The following PTPRN2 variants were observed in gnomAD, a reference collection of about 807,000 sequenced individuals.
PTPRN2 encodes receptor-type tyrosine-protein phosphatase N2.
In PTPRN2, 74 loss-of-function variants were observed where a neutral mutation model predicts 118.8. That is an observed-to-expected ratio of 0.62 (90% CI 0.52 to 0.76). The LOEUF is 0.76. Ranked by LOEUF, PTPRN2 falls within the 30% of genes least tolerant of loss-of-function variation. The pLI, the probability that PTPRN2 is intolerant of heterozygous loss-of-function variation, is 0.00. For missense variants in PTPRN2, 1,481 were observed against 1,394.4 expected, an observed-to-expected ratio of 1.06 and a Z score of -0.99; for synonymous variants, 641 against 608.0, an observed-to-expected ratio of 1.05 and a Z score of -0.80.
intron 9 of PTPRN2, among the ~76,000 whole-genome samples, chr7:158,131,880 C>T (rs1418696018): frequency 1.4e-5 from 2 of 147,074 alleles, no homozygotes; most frequent in African/African-American, 5.2e-5. Context: ...TACACATCTA[C>T]CTGACATACA....
intron 11 of PTPRN2, among the ~76,000 whole-genome samples, chr7:158,021,826 C>T (rs938540564): frequency 2.0e-5 from 3 of 152,240 alleles, no homozygotes; most frequent in Non-Finnish European, 2.9e-5. Context: ...ACCACTACAT[C>T]GGCCAACCCT....
intron 9 of PTPRN2, among the ~76,000 whole-genome samples, chr7:158,114,906 G>T (rs1665544888): frequency 6.6e-6 from 1 of 152,172 alleles, no homozygotes; most frequent in Admixed American, 6.5e-5. Flanking sequence ...TTGAGAGAAG[G>T]GGCAGGGGAG....
At chr7:157,914,292 G>A (rs1474054164) in intron 11 of PTPRN2, among the ~76,000 whole-genome samples, 1 of 152,130 alleles carries the variant, frequency 6.6e-6, no homozygotes, top group African/African-American at 2.4e-5. Context: ...GTCAGGAATC[G>A]AGGTGTAGAG....
intron 11 of PTPRN2, among the ~76,000 whole-genome samples, chr7:158,071,689 AGGTGCTTG>A (rs1811781909): frequency 1.1e-4 from 7 of 66,440 alleles, no homozygotes; most frequent in Admixed American, 3.2e-4. Flanking sequence ...CTCCTGGTGG[AGGTGCTTG>A]TGGTGGAGGT....
chr7:158,276,519 C>T (rs1474482967), intron 3 of PTPRN2, among the ~76,000 whole-genome samples: 2 of 151,784 alleles, frequency 1.3e-5, no homozygotes, highest in African/African-American at 2.4e-5. Context: ...ACCCCCACAC[C>T]CCGGCCCCGA....
At chr7:157,815,865 G>A (rs543180049) in intron 12 of PTPRN2, among the ~76,000 whole-genome samples, 2 of 152,360 alleles carry the variant, frequency 1.3e-5, no homozygotes, top group Admixed American at 1.3e-4. Flanking sequence ...CTCAGGCGGT[G>A]ACACGTTGCA....
chr7:157,938,566 A>T (rs573615400), intron 11 of PTPRN2, among the ~76,000 whole-genome samples: 44 of 152,300 alleles, frequency 2.9e-4, no homozygotes, highest in South Asian at 4.1e-4. Context: ...ACACAACAAC[A>T]CCCAAAGGCA....
chr7:158,523,373 T>TGGAGTCGTCTGCCCTGGAGC (rs1563392091), intron 1 of PTPRN2, among the ~76,000 whole-genome samples: 17 of 100,048 alleles, frequency 1.7e-4, no homozygotes, highest in East Asian at 3.7e-4. Context: ...TGCCCTGGAG[T>TGGAGTCGTCTGCCCTGGAGC]GGAGTCGTCT....
intron 3 of PTPRN2, among the ~76,000 whole-genome samples, chr7:158,281,391 T>G (rs568669990): frequency 1.6e-4 from 24 of 152,204 alleles, no homozygotes; most frequent in Middle Eastern, 6.8e-3. Flanking sequence ...CAAAGGCAAA[T>G]AGGAATACCA....
At chr7:158,418,787 T>C (rs181059067) in intron 2 of PTPRN2, among the ~76,000 whole-genome samples, 2 of 149,812 alleles carry the variant, frequency 1.3e-5, no homozygotes, top group African/African-American at 2.5e-5. Context: ...TGTTAAGTCA[T>C]GGTGTACTAC....
intron 3 of PTPRN2, among the ~76,000 whole-genome samples, chr7:158,218,535 C>T (rs1214550842): frequency 6.6e-6 from 1 of 152,118 alleles, no homozygotes; most frequent in East Asian, 1.9e-4. Flanking sequence ...ATCAAGTTTA[C>T]ATGAAAACCA....
At chr7:158,026,330 T>C (rs1286925802) in intron 11 of PTPRN2, among the ~76,000 whole-genome samples, 1 of 152,110 alleles carries the variant, frequency 6.6e-6, no homozygotes, top group Non-Finnish European at 1.5e-5. Flanking sequence ...TGGTCTGATC[T>C]GGTGGGCTGG....
intron 12 of PTPRN2, among the ~76,000 whole-genome samples, chr7:157,746,163 C>T (rs1392943813): frequency 7.4e-6 from 1 of 134,368 alleles, no homozygotes; most frequent in African/African-American, 3.0e-5. Flanking sequence ...CCTCATGGGA[C>T]CCTGAGCATG....
chr7:158,307,705 C>T (rs1327339580), intron 3 of PTPRN2, among the ~76,000 whole-genome samples: 1 of 152,182 alleles, frequency 6.6e-6, no homozygotes, highest in Non-Finnish European at 1.5e-5. Flanking sequence ...CAACTTGTCA[C>T]ACATGTTATG....
chr7:158,521,156 ATTT>A (rs1484580480), intron 1 of PTPRN2, among the ~76,000 whole-genome samples: 1 of 152,146 alleles, frequency 6.6e-6, no homozygotes, highest in Non-Finnish European at 1.5e-5. Flanking sequence ...TATTTGTATT[ATTT>A]TTATTGTTGT....
intron 14 of PTPRN2, among the ~76,000 whole-genome samples, chr7:157,628,639 C>A (rs1162771854): frequency 1.3e-5 from 2 of 152,224 alleles, no homozygotes; most frequent in African/African-American, 2.4e-5. Flanking sequence ...GTCATCACAG[C>A]TCACAGGGGA....
At chr7:158,150,105 G>T (rs1227536471) in intron 6 of PTPRN2, among the ~76,000 whole-genome samples, 1 of 152,164 alleles carries the variant, frequency 6.6e-6, no homozygotes, top group East Asian at 1.9e-4. Flanking sequence ...AGGCTGCCGT[G>T]GGTGTTCTGC....
intron 11 of PTPRN2, among the ~76,000 whole-genome samples, chr7:157,902,792 A>C (rs1004425227): frequency 1.3e-5 from 2 of 152,190 alleles, no homozygotes; most frequent in African/African-American, 4.8e-5. Flanking sequence ...ATTCCAAAGC[A>C]CGTGCTGTGG....
At chr7:158,214,892 A>G (rs1460412322) in intron 3 of PTPRN2, among the ~76,000 whole-genome samples, 3 of 152,226 alleles carry the variant, frequency 2.0e-5, no homozygotes, top group African/African-American at 7.2e-5. Context: ...GTGTCCAAAA[A>G]GAGACAGTTA....
Sources: gnomAD v4.1 joint callset for allele counts (sites outside exome capture counted in the v4.1 genomes callset) on GRCh38, gnomAD v4.1.1 for gene constraint, MANE v1.5 for transcripts, NCBI Gene and HGNC (gene_info 2026-07-23, HGNC 2026-07-21) for gene names.